ZNF346: variants seen among roughly 807,000 people sequenced by gnomAD.
The protein encoded by ZNF346 is zinc finger protein 346.
In ZNF346, 23 loss-of-function variants were observed where a neutral mutation model predicts 33.7. That is an observed-to-expected ratio of 0.68 (90% CI 0.49 to 0.97). The LOEUF (loss-of-function observed/expected upper bound fraction) is 0.97. Among genes scored for constraint, ZNF346 ranks in the 50% least tolerant of loss-of-function variants. The probability of loss-of-function intolerance (pLI) is 0.00; values close to 1 mark genes in which losing one functional copy is unlikely to be tolerated. For missense variants in ZNF346, 340 were observed against 371.1 expected (o/e 0.92, Z 0.69); for synonymous variants, 134 against 142.4 (o/e 0.94, Z 0.42).
At chr5:177,055,950 C>T (rs1027429835) in intron 5 of ZNF346, among the ~76,000 whole-genome samples, 1 of 151,874 alleles carries the variant, frequency 6.6e-6, no homozygotes, top group Non-Finnish European at 1.5e-5. Flanking sequence ...GTGGCATGCA[C>T]CCGTAATCCC....
downstream of ZNF346, among the ~76,000 whole-genome samples, chr5:177,071,759 A>C (rs1373320324): frequency 1.3e-5 from 2 of 151,510 alleles, no homozygotes; most frequent in African/African-American, 2.4e-5. Context: ...AGCTGTCCCC[A>C]CCCCCAAACC....
intron 8 of ZNF346, among the ~76,000 whole-genome samples, chr5:177,076,880 A>G (rs1783776364): frequency 6.6e-6 from 1 of 152,150 alleles, no homozygotes; most frequent in African/African-American, 2.4e-5. Flanking sequence ...GTCTCTACTA[A>G]AAATACAAAA....
At chr5:177,054,871 T>C (rs1781460346) in intron 5 of ZNF346, among the ~76,000 whole-genome samples, 1 of 152,082 alleles carries the variant, frequency 6.6e-6, no homozygotes. Flanking sequence ...ACTAATTCAA[T>C]TTACTTAGAT....
chr5:177,046,402 C>G (rs1248576800), intron 4 of ZNF346, among the ~76,000 whole-genome samples: 1 of 151,658 alleles, frequency 6.6e-6, no homozygotes, highest in African/African-American at 2.4e-5. Context: ...ATTTCATACT[C>G]GAGATTATTT....
At chr5:177,024,089 T>C (rs1776336118) in intron 1 of ZNF346, among the ~76,000 whole-genome samples, 1 of 147,938 alleles carries the variant, frequency 6.8e-6, no homozygotes, top group Admixed American at 6.8e-5. Context: ...CATAAATGTA[T>C]ATATATAATA....
chr5:177,056,779 G>A (rs868245736), intron 5 of ZNF346, among the ~76,000 whole-genome samples: 1 of 141,678 alleles, frequency 7.1e-6, no homozygotes, highest in East Asian at 2.4e-4. Context: ...GTTGGGGGAG[G>A]GGGGAGGGAT....
At chr5:177,036,460 G>A (rs1004141586) in intron 1 of ZNF346, among the ~76,000 whole-genome samples, 6 of 152,286 alleles carry the variant, frequency 3.9e-5, no homozygotes, top group African/African-American at 1.2e-4. Flanking sequence ...TGTTGGATCT[G>A]TGTGTTGGTA....
intron 1 of ZNF346, among the ~76,000 whole-genome samples, chr5:177,040,395 G>T (rs1779186749): frequency 1.3e-5 from 2 of 151,876 alleles, no homozygotes; most frequent in African/African-American, 4.8e-5. Flanking sequence ...ACCCAAGTTG[G>T]AGTTAGTGGC....
downstream of ZNF346, among the ~76,000 whole-genome samples, chr5:177,068,122 C>T (rs990264276): frequency 2.5e-5 from 3 of 120,280 alleles, no homozygotes; most frequent in African/African-American, 5.7e-5. Flanking sequence ...CACATGGCCC[C>T]TGCAGCCTGC....
rs566942558 is a variant in ZNF346, at chr5:177,034,783, CA to C, written c.176-6337del. On this transcript the variant is annotated intron_variant, in intron 1 of 6. Transcript: ENST00000358149. ...TGTGCCTCTTGGCTATTGTTGCTGTCAAAAAAGGTCATGGAACTACATCAGT... is the reference window on the plus strand; with the variant it reads ...TGTGCCTCTTGGCTATTGTTGCTGTCAAAAAGGTCATGGAACTACATCAGT... 5.3e-5 allele frequency among the ~76,000 whole-genome samples: 8 copies of C among 152,216 alleles called. No individual in the cohort carries two copies. The South Asian group carries it at 1.7e-3, about 32-fold the overall frequency.
At chr5:177,047,754 C>T (rs1252928138) in intron 4 of ZNF346, among the ~76,000 whole-genome samples, 2 of 152,200 alleles carry the variant, frequency 1.3e-5, no homozygotes, top group African/African-American at 4.8e-5. Flanking sequence ...GATCCACCCA[C>T]CTCAGCCTCC....
At chr5:177,078,457 G>A (rs951424598) in intron 8 of ZNF346, among the ~76,000 whole-genome samples, 4 of 152,208 alleles carry the variant, frequency 2.6e-5, no homozygotes, top group African/African-American at 9.6e-5. Context: ...GAGGAGCTGG[G>A]GGTGCCAGTG....
chr5:177,032,584 A>T lies in ZNF346; in HGVS notation c.176-8542A>T, dbSNP rs111523564. On this transcript the variant is annotated intron_variant, in intron 1 of 6. Coordinates refer to ENST00000358149, the MANE Select transcript of ZNF346 (RefSeq NM_012279.4). ...TCTACCACACCTGGCTAATTTTTGC[A>T]CTTTTTAATAGAGATGGGGTTTTAC... is the stretch of plus-strand genomic sequence containing the variant. Among the ~76,000 whole-genome samples the T allele has an allele frequency of 1.1e-4, 16 of 151,910 alleles. 1 individual carries two copies. The highest frequency in any genetic ancestry group is 3.6e-4 in the African/African-American group (15 of 41,476).
At chr5:177,040,272 G>A (rs1779164345) in intron 1 of ZNF346, among the ~76,000 whole-genome samples, 1 of 152,000 alleles carries the variant, frequency 6.6e-6, no homozygotes, top group Non-Finnish European at 1.5e-5. Flanking sequence ...TGTTCTCCAG[G>A]CACAATAATT....
At chr5:177,039,658 T>C (rs1474925775) in intron 1 of ZNF346, among the ~76,000 whole-genome samples, 1 of 151,976 alleles carries the variant, frequency 6.6e-6, no homozygotes, top group Non-Finnish European at 1.5e-5. Context: ...TTTGTTTCTA[T>C]GTAGAGACAG....
downstream of ZNF346, among the ~76,000 whole-genome samples, chr5:177,071,978 A>C (rs568607305): frequency 6.6e-6 from 1 of 152,162 alleles, no homozygotes; most frequent in South Asian, 2.1e-4. Context: ...GCAGTTCTGT[A>C]AATGTTCAAC....
At chr5:177,036,700 A>G (rs898535368) in intron 1 of ZNF346, among the ~76,000 whole-genome samples, 3 of 152,104 alleles carry the variant, frequency 2.0e-5, no homozygotes, top group African/African-American at 7.2e-5. Flanking sequence ...ACTGCCTTGG[A>G]GATCATCATT....
chr5:177,050,071 G>A (rs920388843), intron 4 of ZNF346, among the ~76,000 whole-genome samples: 2 of 152,202 alleles, frequency 1.3e-5, no homozygotes, highest in Non-Finnish European at 2.9e-5. Flanking sequence ...TCTTGACCTC[G>A]TGATCCGCCT....
At chr5:177,078,260 G>C (rs1269716685) in intron 8 of ZNF346, among the ~76,000 whole-genome samples, 1 of 152,256 alleles carries the variant, frequency 6.6e-6, no homozygotes, top group African/African-American at 2.4e-5. Context: ...AGGCAGGCCA[G>C]AGGAAGAATG....
Sources: allele counts gnomAD v4.1 joint callset (sites outside exome capture counted in the v4.1 genomes callset), GRCh38; gene constraint gnomAD v4.1.1; transcripts MANE v1.5; gene names NCBI Gene and HGNC (gene_info 2026-07-23, HGNC 2026-07-21).